Variants in ZBTB41 observed in about 807,000 individuals in gnomAD.
ZBTB41 encodes zinc finger and BTB domain containing 41, also known as zinc finger and BTB domain-containing protein 41.
A neutral mutation model predicts 87.6 loss-of-function variants in ZBTB41; 42 were observed. The ratio of observed to expected loss-of-function variants is 0.48; its 90% CI spans 0.37 to 0.62. The LOEUF is 0.62. Among genes scored for constraint, ZBTB41 ranks in the 20% least tolerant of loss-of-function variants. ZBTB41 has a pLI of 0.00. For synonymous variants in ZBTB41, 364 were observed against 364.0 expected (o/e 1.00, Z 0.00); for missense variants, 799 against 1,078.9 (o/e 0.74, Z 3.63).
chr1:197,185,403 C>T (rs150419285), intron 5 of ZBTB41, among the ~76,000 whole-genome samples: 37 of 152,246 alleles, frequency 2.4e-4, no homozygotes, highest in East Asian at 5.8e-4. Flanking sequence ...AACTCTCCAC[C>T]TTGGCCATAA....
Sources: allele counts gnomAD v4.1 joint callset (sites outside exome capture counted in the v4.1 genomes callset), GRCh38; gene constraint gnomAD v4.1.1; transcripts MANE v1.5; gene names NCBI Gene and HGNC (gene_info 2026-07-23, HGNC 2026-07-21).